The following SRGAP1 variants were observed in gnomAD, a reference collection of about 807,000 sequenced individuals.
The protein encoded by SRGAP1 is SLIT-ROBO Rho GTPase activating protein 1.
Under a neutral mutation model 121.9 loss-of-function variants are expected in SRGAP1, and 43 were observed. That is an observed-to-expected ratio of 0.35 (90% CI 0.28 to 0.46). The LOEUF (loss-of-function observed/expected upper bound fraction) is 0.46, where lower values mean the gene tolerates loss of function less well. Ranked by LOEUF, SRGAP1 falls within the 20% of genes least tolerant of loss-of-function variation. The pLI, the probability that SRGAP1 is intolerant of heterozygous loss-of-function variation, is 1.00. For missense variants in SRGAP1, 1,102 were observed against 1,350.9 expected (o/e 0.82, Z 2.89); for synonymous variants, 447 against 485.4 (o/e 0.92, Z 1.04).
At chr12:63,855,585 A>C (rs2136259315) in intron 1 of SRGAP1, among the ~76,000 whole-genome samples, 1 of 137,768 alleles carries the variant, frequency 7.3e-6, no homozygotes, top group South Asian at 2.3e-4. Flanking sequence ...CCACCTCCCA[A>C]GTTCAGGCAA....
chr12:63,858,856 C>A (rs1899345966), intron 1 of SRGAP1, among the ~76,000 whole-genome samples: 1 of 152,118 alleles, frequency 6.6e-6, no homozygotes, highest in African/African-American at 2.4e-5. Flanking sequence ...GTGCGTGCCA[C>A]CATGCCCAGC....
intron 1 of SRGAP1, among the ~76,000 whole-genome samples, chr12:63,889,935 C>A (rs905872653): frequency 6.6e-6 from 1 of 151,974 alleles, no homozygotes; most frequent in Admixed American, 6.6e-5. Flanking sequence ...AAAAGAATTT[C>A]TGATGGTTAT....
intron 6 of SRGAP1, among the ~76,000 whole-genome samples, chr12:64,059,754 A>G (rs149337658): frequency 6.1e-4 from 93 of 152,324 alleles, no homozygotes; most frequent in Admixed American, 1.3e-3. Context: ...AGAGGAATAC[A>G]AGAGGACTTT....
chr12:64,033,822 C>T (rs2034837503), intron 4 of SRGAP1, among the ~76,000 whole-genome samples: 1 of 152,108 alleles, frequency 6.6e-6, no homozygotes, highest in African/African-American at 2.4e-5. Flanking sequence ...GAGTTCAAGA[C>T]CAGCCTGACC....
intron 1 of SRGAP1, among the ~76,000 whole-genome samples, chr12:63,935,892 A>T (rs191282871): frequency 6.6e-6 from 1 of 152,204 alleles, no homozygotes; most frequent in South Asian, 2.1e-4. Flanking sequence ...GTGAGTTTAA[A>T]TTTTAGCTGG....
intron 1 of SRGAP1, among the ~76,000 whole-genome samples, chr12:63,946,268 A>G (rs2032042554): frequency 6.7e-6 from 1 of 150,276 alleles, no homozygotes; most frequent in African/African-American, 2.4e-5. Flanking sequence ...ATCTATTTGG[A>G]TTTATGAATG....
At chr12:63,972,578 C>A (rs976626834) in intron 1 of SRGAP1, among the ~76,000 whole-genome samples, 6 of 152,064 alleles carry the variant, frequency 3.9e-5, no homozygotes, top group Admixed American at 6.6e-5. Flanking sequence ...CAGATGTACA[C>A]CAGAGATAGT....
At chr12:63,911,300 A>G (rs1260474460) in intron 1 of SRGAP1, among the ~76,000 whole-genome samples, 1 of 63,694 alleles carries the variant, frequency 1.6e-5, no homozygotes, top group Non-Finnish European at 3.5e-5. Context: ...CTCTGTCTCA[A>G]AAAAAAAAAA....
chr12:63,898,725 T>C lies in SRGAP1; in HGVS notation c.67+53842T>C, dbSNP rs143665248. Among the ~76,000 whole-genome samples the C allele has an allele frequency of 6.2e-3, 952 of 152,334 alleles. 14 individuals carry two copies. Among genetic ancestry groups the C allele is most frequent in the African/African-American group, 0.021 (891 of 41,574 alleles). On this transcript the variant is annotated intron_variant, in intron 1 of 21. Coordinates refer to ENST00000355086, the MANE Select transcript of SRGAP1 (RefSeq NM_020762.4). ...GCTATTAAATGTATATTGATGTTAT[T>C]TTAGTTAATTTCTATAGTATCGTCA...
intron 1 of SRGAP1, among the ~76,000 whole-genome samples, chr12:63,946,213 C>G (rs767643562): frequency 2.0e-5 from 3 of 151,948 alleles, no homozygotes; most frequent in Admixed American, 6.6e-5. Context: ...TTTGTATTCT[C>G]CTTTATGTTA....
intron 1 of SRGAP1, among the ~76,000 whole-genome samples, chr12:63,850,354 T>C (rs1899035678): frequency 6.6e-6 from 1 of 152,198 alleles, no homozygotes; most frequent in South Asian, 2.1e-4. Flanking sequence ...TGTTTACTCC[T>C]GTGCTATGTT....
intron 18 of SRGAP1, among the ~76,000 whole-genome samples, chr12:64,123,989 T>A (rs1195927117): frequency 6.6e-6 from 1 of 152,048 alleles, no homozygotes; most frequent in South Asian, 2.1e-4. Flanking sequence ...GGCTGGAGGA[T>A]TGCTATGTTG....
At chr12:63,962,763 G>A (rs1230190012) in intron 1 of SRGAP1, among the ~76,000 whole-genome samples, 2 of 152,124 alleles carry the variant, frequency 1.3e-5, no homozygotes, top group African/African-American at 2.4e-5. Context: ...CTATAGAACT[G>A]CATTGTCCAA....
intron 4 of SRGAP1, among the ~76,000 whole-genome samples, chr12:64,035,098 C>CT (rs1359857240): frequency 6.9e-6 from 1 of 145,798 alleles, no homozygotes; most frequent in African/African-American, 2.5e-5. Context: ...ACTTGCAGGC[C>CT]TTAAGTGGGA....
At chr12:64,082,124 C>T (rs934440513) in intron 10 of SRGAP1, among the ~76,000 whole-genome samples, 1 of 146,366 alleles carries the variant, frequency 6.8e-6, no homozygotes, top group African/African-American at 2.5e-5. Flanking sequence ...CTTATAGGCA[C>T]AAAGTCCTAC....
At chr12:64,129,526 TCAATC>T (rs1405765923) in intron 21 of SRGAP1, among the ~76,000 whole-genome samples, 3 of 152,132 alleles carry the variant, frequency 2.0e-5, no homozygotes, top group Admixed American at 2.0e-4. Flanking sequence ...TTTGCATCCT[TCAATC>T]CAATCAAGTT....
At chr12:64,114,615 T>C (rs1366107929) in intron 17 of SRGAP1, among the ~76,000 whole-genome samples, 1 of 152,194 alleles carries the variant, frequency 6.6e-6, no homozygotes, top group East Asian at 1.9e-4. Flanking sequence ...CCTTCCAAAG[T>C]GCTGGGATTA....
chr12:63,967,837 C>T (rs1055104109), intron 1 of SRGAP1, among the ~76,000 whole-genome samples: 4 of 152,240 alleles, frequency 2.6e-5, no homozygotes, highest in African/African-American at 9.6e-5. Context: ...GAAGGGCTTT[C>T]CCCCAGTTTC....
At chr12:64,094,685 A>C (rs947833177) in intron 12 of SRGAP1, among the ~76,000 whole-genome samples, 2 of 152,220 alleles carry the variant, frequency 1.3e-5, no homozygotes, top group Non-Finnish European at 2.9e-5. Context: ...ATAAGCTTTT[A>C]AAAATGAGTT....
Sources: gnomAD v4.1 joint callset for allele counts (sites outside exome capture counted in the v4.1 genomes callset) on GRCh38, gnomAD v4.1.1 for gene constraint, MANE v1.5 for transcripts, NCBI Gene and HGNC (gene_info 2026-07-23, HGNC 2026-07-21) for gene names.